Variants in EXTL2 observed in about 807,000 individuals in gnomAD.
EXTL2 encodes exostosin-like 2.
Under a neutral mutation model 30.7 loss-of-function variants are expected in EXTL2, and 23 were observed. The ratio of observed to expected loss-of-function variants is 0.75; its 90% CI spans 0.54 to 1.06. EXTL2 has a LOEUF of 1.06. Among genes scored for constraint, EXTL2 ranks in the 50% least tolerant of loss-of-function variants. The pLI is 0.00. For synonymous variants in EXTL2, 123 were observed against 133.8 expected (o/e 0.92, Z 0.56); for missense variants, 352 against 396.3 (o/e 0.89, Z 0.95).
intron 1 of EXTL2, among the ~76,000 whole-genome samples, chr1:100,893,444 T>C (rs1052544560): frequency 2.0e-5 from 3 of 152,200 alleles, no homozygotes; most frequent in African/African-American, 7.2e-5. Flanking sequence ...AAGACGAGAC[T>C]GATTTGCCTG....
At chr1:100,894,194 G>A (rs78199225) in intron 1 of EXTL2, among the ~76,000 whole-genome samples, 3,524 of 151,998 alleles carry the variant, frequency 0.023, 141 homozygotes, top group African/African-American at 0.079. Flanking sequence ...GAATAAGGGC[G>A]TTTTGGAGAA....
At chr1:100,889,921 G>A (rs139509757) in intron 1 of EXTL2, among the ~76,000 whole-genome samples, 145 of 152,254 alleles carry the variant, frequency 9.5e-4, no homozygotes, top group African/African-American at 3.4e-3. Context: ...AGCTGTCTGT[G>A]GATTTACCAT....
chr1:100,887,861 G>A (rs571401045), intron 2 of EXTL2, among the ~76,000 whole-genome samples: 3 of 152,236 alleles, frequency 2.0e-5, no homozygotes, highest in African/African-American at 7.2e-5. Context: ...ATCACACCCG[G>A]CAAATTTTTT....
At chr1:100,884,285 G>T (rs1418811620) in intron 2 of EXTL2, among the ~76,000 whole-genome samples, 1 of 152,148 alleles carries the variant, frequency 6.6e-6, no homozygotes, top group Non-Finnish European at 1.5e-5. Context: ...TGTCCAGATT[G>T]TTTCTCCTCT....
At chr1:100,882,379 G>A (rs1274615171) in intron 2 of EXTL2, among the ~76,000 whole-genome samples, 4 of 152,214 alleles carry the variant, frequency 2.6e-5, no homozygotes, top group Non-Finnish European at 5.9e-5. Flanking sequence ...CGGCAATAAT[G>A]CCAAGGTTGA....
chr1:100,887,474 A>G (rs1389930327), intron 2 of EXTL2, among the ~76,000 whole-genome samples: 1 of 152,228 alleles, frequency 6.6e-6, no homozygotes, highest in Non-Finnish European at 1.5e-5. Context: ...AGAGCTGAGC[A>G]TTACTAATGA....
intron 2 of EXTL2, 121 bp from the exon 3 acceptor site, chr1:100,878,024 C>G: frequency 1.3e-6 from 1 of 762,490 alleles, no homozygotes; most frequent in Non-Finnish European, 2.1e-6. Flanking sequence ...ATTCAGTTCT[C>G]CCTTCCTCCT....
In EXTL2 at chr1:100,873,142, T is replaced by C. The variant is rs1034826791; in HGVS notation, c.*800A>G. 8 of 152,178 alleles carry C rather than the reference T, an allele frequency of 5.3e-5. No homozygotes were observed. Among genetic ancestry groups the C allele is most frequent in the African/African-American group, 1.9e-4 (8 of 41,556 alleles). 9.4% of individuals were successfully genotyped at this position (152,178 alleles called of 1,614,324 possible). Reference sequence around the variant, plus strand: ...AACAACACATACATTATGTAAAATATAAGAATTAATGTACATTCTCAAGGT... The same window carrying C: ...AACAACACATACATTATGTAAAATACAAGAATTAATGTACATTCTCAAGGT... On this transcript the variant is annotated 3_prime_UTR_variant, in exon 5 of 5. Transcript: ENST00000370114.
intron 1 of EXTL2, among the ~76,000 whole-genome samples, chr1:100,889,349 A>AT (rs1282220552): frequency 6.6e-6 from 1 of 152,194 alleles, no homozygotes; most frequent in Non-Finnish European, 1.5e-5. Flanking sequence ...CACTGGGTCC[A>AT]TCCCACAACA....
At chr1:100,876,747 G>A (rs1325209773) in intron 4 of EXTL2, 47 bp downstream of exon 4, 1 of 1,360,900 alleles carries the variant, frequency 7.3e-7, no homozygotes, top group East Asian at 2.3e-5. Flanking sequence ...TTAAGTACTA[G>A]TCAAGATCTT....
In EXTL2 at chr1:100,876,882, A is replaced by G. The variant is rs761312736; in HGVS notation, c.434-18T>C. On this transcript the variant is annotated intron_variant, in intron 3 of 4. Transcript: ENST00000370114. ...CAACACTGCTAAAATGAAAGGACAA[A>G]AATTTAAGTTGAATAGTTCGGAAAT... 1.3e-6 allele frequency: 2 copies of G among 1,579,584 alleles called. No homozygotes were observed. Among genetic ancestry groups the G allele is most frequent in the Non-Finnish European group, 8.7e-7 (1 of 1,149,320 alleles).
At chr1:100,884,741 A>G (rs1649831165) in intron 2 of EXTL2, among the ~76,000 whole-genome samples, 1 of 150,072 alleles carries the variant, frequency 6.7e-6, no homozygotes, top group African/African-American at 2.5e-5. Flanking sequence ...TTCCCTCACC[A>G]CTCTCCACCC....
chr1:100,874,051 T>C lies in EXTL2; in HGVS notation c.884A>G (p.Tyr295Cys). The change falls in exon 5 of 5, where the codon TAT becomes TGT. Residue 295 changes from tyrosine (Y) to cysteine (C), a missense_variant. Physicochemically the swap from Tyr to Cys is radical, Grantham distance 194. Transcript: ENST00000370114. ...HRAEHALQRS[Y>C]CINKLVNIYD... ...GATATTAACAAGCTTATTTATACAATAAGACCTCTGCAGAGCGTGCTCAGC... is the reference window on the plus strand; with the variant it reads ...GATATTAACAAGCTTATTTATACAACAAGACCTCTGCAGAGCGTGCTCAGC... The C allele has an allele frequency of 1.2e-6, 2 of 1,613,162 alleles. No homozygotes were observed. Among genetic ancestry groups the C allele is most frequent in the Non-Finnish European group, 1.7e-6 (2 of 1,179,468 alleles).
chr1:100,873,883 C>T lies in EXTL2; in HGVS notation c.*59G>A. ...TGATGTTGCTTAAAAAAATACATAG[C>T]ATGGAGAAGCTACTCAAATGCCAAG... On this transcript the variant is annotated 3_prime_UTR_variant, in exon 5 of 5. Transcript: ENST00000370114. 6.7e-7 allele frequency: 1 copy of T among 1,491,272 alleles called. No individual in the cohort carries two copies. The highest frequency in any genetic ancestry group is 9.0e-7 in the Non-Finnish European group (1 of 1,115,346). 92.4% of individuals were successfully genotyped at this position (1,491,272 alleles called of 1,614,324 possible).
chr1:100,883,128 T>C (rs1649697559), intron 2 of EXTL2, among the ~76,000 whole-genome samples: 1 of 152,188 alleles, frequency 6.6e-6, no homozygotes, highest in Non-Finnish European at 1.5e-5. Flanking sequence ...TCTGCAAGGA[T>C]GTGTCAAAAA....
chr1:100,881,847 A>G (rs1240080840), intron 2 of EXTL2, among the ~76,000 whole-genome samples: 2 of 152,164 alleles, frequency 1.3e-5, no homozygotes, highest in African/African-American at 2.4e-5. Context: ...GAGGTCCCCA[A>G]TCCCCAGGCT....
In EXTL2 at chr1:100,877,385, G is replaced by A. The variant is rs897678509; in HGVS notation, c.433+91C>T. ...GACTAACTTCCTTCATTTTTCTCCA[G>A]ACGGTTAAGCAGAAGGCCAGAAATT... On this transcript the variant is annotated intron_variant, in intron 3 of 4. Coordinates refer to ENST00000370114, the MANE Select transcript of EXTL2 (RefSeq NM_001033025.3). This position sits in a 1 kb window ranked among gnomAD's most constrained non-coding sequence, Gnocchi z 4.1. 7.5e-6 allele frequency: 9 copies of A among 1,199,468 alleles called. No homozygotes were observed. Among genetic ancestry groups the A allele is most frequent in the African/African-American group, 1.5e-5 (1 of 65,640 alleles). 74.3% of individuals were successfully genotyped at this position (1,199,468 alleles called of 1,614,324 possible).
At chr1:100,885,191 TAAACAAA>T (rs1557958604) in intron 2 of EXTL2, among the ~76,000 whole-genome samples, 1 of 152,234 alleles carries the variant, frequency 6.6e-6, no homozygotes, top group East Asian at 1.9e-4. Flanking sequence ...AGCCACTTGA[TAAACAAA>T]AGATGTCTCA....
At position 100,873,319 on chromosome 1, in the gene EXTL2, G is replaced by C. The variant is rs1648841196; in HGVS notation, c.*623C>G. 6.6e-6 allele frequency: 1 copy of C among 152,038 alleles called. No individual in the cohort carries two copies. The highest frequency in any genetic ancestry group is 1.5e-5 in the Non-Finnish European group (1 of 67,960). The allele number at this position is 152,038 out of a possible 1,614,324, so 9.4% of individuals were successfully genotyped here. A position where few individuals can be genotyped will look rare whatever the true frequency, so the allele number is the denominator to read the frequency against. ...CAAGCAAACAACTAGACGTTCTTCA[G>C]CTACTAAAATTAACTGTCCCAGTCA... On this transcript the variant is annotated 3_prime_UTR_variant, in exon 5 of 5. Coordinates refer to ENST00000370114, the MANE Select transcript of EXTL2 (RefSeq NM_001033025.3).
Sources: allele counts gnomAD v4.1 joint callset (sites outside exome capture counted in the v4.1 genomes callset), GRCh38; gene constraint gnomAD v4.1.1; non-coding constraint Gnocchi (gnomAD v3.1); transcripts MANE v1.5; gene names NCBI Gene and HGNC (gene_info 2026-07-23, HGNC 2026-07-21).